ARID1B: variants seen among roughly 807,000 people sequenced by gnomAD.
ARID1B encodes the protein AT-rich interaction domain 1B.
ARID1B carries 30 observed loss-of-function variants against 212.3 expected under a neutral mutation model. The ratio of observed to expected loss-of-function variants is 0.14; its 90% CI spans 0.11 to 0.19. The LOEUF (loss-of-function observed/expected upper bound fraction) is 0.19, where lower values mean the gene tolerates loss of function less well. Among genes scored for constraint, ARID1B ranks in the 10% least tolerant of loss-of-function variants. The pLI is 1.00. For missense variants in ARID1B, 2,891 were observed against 3,204.0 expected (o/e 0.90, Z 2.36); for synonymous variants, 1,402 against 1,301.7 (o/e 1.08, Z -1.66).
At chr6:157,121,875 G>T (rs997621376) in intron 6 of ARID1B, among the ~76,000 whole-genome samples, 7 of 152,066 alleles carry the variant, frequency 4.6e-5, no homozygotes, top group African/African-American at 1.4e-4. Context: ...TGATCCACCC[G>T]CCTCAGCCTC....
Position 157,174,023 on chromosome 6 carries a change from C to T in ARID1B, c.3251C>T (p.Ala1084Val). 1 of 1,614,032 alleles carries T rather than the reference C, an allele frequency of 6.2e-7. No homozygotes were observed. The highest frequency in any genetic ancestry group is 8.5e-7 in the Non-Finnish European group (1 of 1,179,920). The change falls in exon 10 of 20, where the codon GCA becomes GTA. Residue 1084 changes from alanine (A) to valine (V), a missense_variant. By Grantham distance (64) the Ala-to-Val change is moderately conservative. Transcript: ENST00000636930. ...VNSSAASVGL[A>V]DMMSPGESKL... ...TTTCGATTAGCATCTGTGGGTCTTG[C>T]AGATATGATGTCTCCTGGTGAATCC...
At chr6:156,859,158 G>T (rs1229494782) in intron 2 of ARID1B, among the ~76,000 whole-genome samples, 1 of 152,074 alleles carries the variant, frequency 6.6e-6, no homozygotes, top group Non-Finnish European at 1.5e-5. Context: ...TGTCGCCCAG[G>T]CTGGAGTGCA....
At chr6:157,028,388 T>C (rs1161815759) in intron 4 of ARID1B, among the ~76,000 whole-genome samples, 2 of 152,184 alleles carry the variant, frequency 1.3e-5, no homozygotes, top group African/African-American at 4.8e-5. Context: ...GAAATAATAA[T>C]GTAATGAATA....
chr6:157,009,211 A>AT (rs938091853), intron 4 of ARID1B, among the ~76,000 whole-genome samples: 6 of 152,186 alleles, frequency 3.9e-5, no homozygotes, highest in African/African-American at 1.4e-4. Context: ...AAACTGCAAG[A>AT]TTTCACTGGA....
chr6:157,092,107 CA>C (rs1462539091), intron 5 of ARID1B, among the ~76,000 whole-genome samples: 3 of 152,132 alleles, frequency 2.0e-5, no homozygotes, highest in Admixed American at 6.5e-5. Flanking sequence ...CACAGAAAAC[CA>C]ATTCAGCAGT....
At chr6:156,782,492 T>C (rs1378813907) in intron 1 of ARID1B, among the ~76,000 whole-genome samples, 3 of 152,170 alleles carry the variant, frequency 2.0e-5, no homozygotes, top group African/African-American at 7.2e-5. Context: ...GGTTTTATGA[T>C]GTCCACATTT....
intron 2 of ARID1B, among the ~76,000 whole-genome samples, chr6:156,851,404 C>T (rs140546865): frequency 3.9e-4 from 59 of 152,306 alleles, no homozygotes; most frequent in African/African-American, 1.3e-3. Context: ...ATGAAGAGTA[C>T]GTTTTTAAAA....
At chr6:157,184,595 G>A in intron 13 of ARID1B, 160 bp downstream of exon 13, 1 of 809,514 alleles carries the variant, frequency 1.2e-6, no homozygotes, top group East Asian at 2.7e-5. Context: ...GACGCCCACT[G>A]GCAGTGTTAA....
intron 4 of ARID1B, chr6:156,936,035 C>T (rs1387786099): frequency 6.5e-6 from 1 of 152,976 alleles, no homozygotes; most frequent in African/African-American, 2.4e-5. Flanking sequence ...GAGAAATCAC[C>T]CAAAAGAAGG....
intron 4 of ARID1B, among the ~76,000 whole-genome samples, chr6:156,989,945 A>G (rs1239692855): frequency 6.6e-6 from 1 of 152,214 alleles, no homozygotes; most frequent in African/African-American, 2.4e-5. Context: ...GATACCTTTG[A>G]TATAATTCTT....
chr6:156,907,334 G>A (rs780749549), intron 3 of ARID1B, among the ~76,000 whole-genome samples: 28 of 151,906 alleles, frequency 1.8e-4, no homozygotes, highest in Non-Finnish European at 4.0e-4. Flanking sequence ...TTTATCTTCC[G>A]TCTTTTTTGA....
At chr6:157,010,798 G>C (rs1779560860) in intron 4 of ARID1B, among the ~76,000 whole-genome samples, 1 of 152,196 alleles carries the variant, frequency 6.6e-6, no homozygotes, top group African/African-American at 2.4e-5. Context: ...TTCACGATAA[G>C]AAAGTAGGTG....
intron 4 of ARID1B, among the ~76,000 whole-genome samples, chr6:157,074,965 A>G (rs1357511602): frequency 6.6e-6 from 1 of 152,168 alleles, no homozygotes; most frequent in Non-Finnish European, 1.5e-5. Flanking sequence ...CTTTATCATC[A>G]TGGTTATTAT....
At chr6:156,812,925 T>C (rs1479669170) in intron 1 of ARID1B, among the ~76,000 whole-genome samples, 1 of 133,428 alleles carries the variant, frequency 7.5e-6, no homozygotes, top group African/African-American at 2.9e-5. Context: ...TAGAAAATTA[T>C]AATCCTGGGT....
intron 4 of ARID1B, chr6:157,023,731 T>A (rs1377719543): frequency 6.6e-6 from 1 of 152,200 alleles, no homozygotes; most frequent in Non-Finnish European, 1.5e-5. Flanking sequence ...CTTCTGCCCC[T>A]CCAACAGTAA....
chr6:156,803,269 A>T (rs1256336609), intron 1 of ARID1B, among the ~76,000 whole-genome samples: 1 of 152,174 alleles, frequency 6.6e-6, no homozygotes, highest in African/African-American at 2.4e-5. Flanking sequence ...TTATTTATGA[A>T]ATTCAGTCCA....
intron 4 of ARID1B, among the ~76,000 whole-genome samples, chr6:156,977,549 A>AT (rs1474707997): frequency 6.6e-6 from 1 of 152,000 alleles, no homozygotes; most frequent in East Asian, 1.9e-4. Flanking sequence ...TAAGATGCAC[A>AT]TTTTTTCTAT....
intron 17 of ARID1B, among the ~76,000 whole-genome samples, chr6:157,199,959 G>A (rs1363478128): frequency 2.0e-5 from 3 of 152,172 alleles, no homozygotes; most frequent in Non-Finnish European, 2.9e-5. Flanking sequence ...GAGTCACTGC[G>A]CCTGGCCAGT....
intron 1 of ARID1B, among the ~76,000 whole-genome samples, chr6:156,784,727 G>A (rs1430221146): frequency 6.6e-6 from 1 of 152,162 alleles, no homozygotes; most frequent in East Asian, 1.9e-4. Flanking sequence ...TTGACTTGGA[G>A]TAATTCTAAG....
Sources: gnomAD v4.1 joint callset for allele counts (sites outside exome capture counted in the v4.1 genomes callset) on GRCh38, gnomAD v4.1.1 for gene constraint, MANE v1.5 for transcripts, NCBI Gene and HGNC (gene_info 2026-07-23, HGNC 2026-07-21) for gene names.